Variants in NEK7 observed in about 807,000 individuals in gnomAD.
NEK7 encodes the protein serine/threonine-protein kinase Nek7.
NEK7 carries 18 observed loss-of-function variants against 44.6 expected under a neutral mutation model. That is an observed-to-expected ratio of 0.40 (90% confidence interval 0.28 to 0.60). The LOEUF is 0.60. NEK7 is among the 20% of genes least tolerant of loss of function. The probability of loss-of-function intolerance (pLI) is 0.38; values close to 1 mark genes in which losing one functional copy is unlikely to be tolerated. For synonymous variants in NEK7, 130 were observed against 121.1 expected (o/e 1.07, Z -0.48); for missense variants, 256 against 366.5 (o/e 0.70, Z 2.46).
chr1:198,317,886 T>TTTTTG (rs1655420246), intron 9 of NEK7, among the ~76,000 whole-genome samples: 2 of 142,618 alleles, frequency 1.4e-5, no homozygotes, highest in African/African-American at 5.3e-5. Flanking sequence ...TATTTTTTTT[T>TTTTTG]TTTTTTTTTT....
At chr1:198,244,707 T>C (rs1040617716) in intron 2 of NEK7, among the ~76,000 whole-genome samples, 1 of 152,178 alleles carries the variant, frequency 6.6e-6, no homozygotes, top group Non-Finnish European at 1.5e-5. Context: ...TAGATAATTA[T>C]AGTCATGCCC....
chr1:198,168,347 CTT>C (rs1664331062), intron 1 of NEK7, among the ~76,000 whole-genome samples: 1 of 152,276 alleles, frequency 6.6e-6, no homozygotes, highest in African/African-American at 2.4e-5. Flanking sequence ...AATGTTGAGA[CTT>C]TTGTCTCTTA....
intron 7 of NEK7, among the ~76,000 whole-genome samples, chr1:198,286,422 C>T (rs1571605063): frequency 7.0e-6 from 1 of 142,944 alleles, no homozygotes; most frequent in Non-Finnish European, 1.5e-5. Flanking sequence ...AGAGGTCACA[C>T]TTTTTTTTTT....
At chr1:198,244,004 G>A (rs1164166726) in intron 2 of NEK7, among the ~76,000 whole-genome samples, 2 of 146,476 alleles carry the variant, frequency 1.4e-5, no homozygotes, top group Non-Finnish European at 3.0e-5. Flanking sequence ...ATTTGTAGGT[G>A]GGTAACACCT....
chr1:198,158,678 T>C (rs1458735239), intron 1 of NEK7, among the ~76,000 whole-genome samples: 1 of 152,188 alleles, frequency 6.6e-6, no homozygotes, highest in Non-Finnish European at 1.5e-5. Context: ...GTGGCAACTC[T>C]TGTTGAATGG....
intron 2 of NEK7, among the ~76,000 whole-genome samples, chr1:198,238,941 C>G (rs1180758208): frequency 1.3e-5 from 2 of 152,084 alleles, no homozygotes; most frequent in African/African-American, 4.8e-5. Context: ...CTAGAGTTGC[C>G]CAACCTAGAA....
chr1:198,268,177 G>T (rs1653716366), intron 5 of NEK7, among the ~76,000 whole-genome samples: 1 of 150,546 alleles, frequency 6.6e-6, no homozygotes, highest in African/African-American at 2.4e-5. Flanking sequence ...CGTTATAGCT[G>T]ATCTCATTCA....
chr1:198,207,970 A>C (rs1405134053), intron 1 of NEK7, among the ~76,000 whole-genome samples: 4 of 152,164 alleles, frequency 2.6e-5, no homozygotes, highest in African/African-American at 7.2e-5. Context: ...AACTTCATTT[A>C]TCTCTCTATT....
At chr1:198,281,723 C>A (rs1654204034) in intron 7 of NEK7, among the ~76,000 whole-genome samples, 1 of 152,030 alleles carries the variant, frequency 6.6e-6, no homozygotes, top group African/African-American at 2.4e-5. Flanking sequence ...TAGGATCGTG[C>A]ACTTCCAAAA....
At chr1:198,170,035 G>C (rs895503678) in intron 1 of NEK7, among the ~76,000 whole-genome samples, 2 of 152,182 alleles carry the variant, frequency 1.3e-5, no homozygotes, top group Non-Finnish European at 2.9e-5. Context: ...TTCAGGAAAG[G>C]TCTAGGATGA....
rs568486081 is a variant in NEK7, at chr1:198,227,833, A to C, written c.-28-4720A>C. Among the ~76,000 whole-genome samples the C allele has an allele frequency of 2.0e-5, 3 of 152,156 alleles. No individual in the cohort carries two copies. The East Asian group carries it at 5.8e-4, about 29-fold the overall frequency. On this transcript the variant is annotated intron_variant, in intron 1 of 9. Transcript: ENST00000367385. Reference sequence around the variant, plus strand: ...TTCTGTAGGCTGCCTGTTCACTCTGATGGTAGTTTCTTTTGCTGTGCAGAA... The same window carrying C: ...TTCTGTAGGCTGCCTGTTCACTCTGCTGGTAGTTTCTTTTGCTGTGCAGAA...
At chr1:198,267,274 CTCATTCAT>C (rs61574788) in intron 5 of NEK7, among the ~76,000 whole-genome samples, 367 of 151,470 alleles carry the variant, frequency 2.4e-3, no homozygotes, top group African/African-American at 3.9e-3. Flanking sequence ...ACACCTGTTC[CTCATTCAT>C]TCATTCATTC....
intron 9 of NEK7, among the ~76,000 whole-genome samples, chr1:198,313,011 G>A (rs567860665): frequency 2.4e-4 from 36 of 151,992 alleles, no homozygotes; most frequent in Admixed American, 5.2e-4. Context: ...TTTCTGTCTC[G>A]TTGATCTGTC....
intron 2 of NEK7, among the ~76,000 whole-genome samples, chr1:198,252,741 T>G (rs118017155): frequency 6.6e-6 from 1 of 151,048 alleles, no homozygotes; most frequent in Non-Finnish European, 1.5e-5. Flanking sequence ...TATGTATGTT[T>G]TATATATTTA....
At chr1:198,188,248 A>G (rs1037164083) in intron 1 of NEK7, among the ~76,000 whole-genome samples, 4 of 152,192 alleles carry the variant, frequency 2.6e-5, no homozygotes, top group Admixed American at 6.6e-5. Flanking sequence ...ACACAGTTTT[A>G]GAGGAAATGA....
chr1:198,281,655 C>T (rs886289346), intron 7 of NEK7, among the ~76,000 whole-genome samples: 2 of 151,996 alleles, frequency 1.3e-5, no homozygotes, highest in South Asian at 2.1e-4. Context: ...TTTATATTTT[C>T]AAAATACATT....
At chr1:198,247,897 T>C (rs1407519030) in intron 2 of NEK7, among the ~76,000 whole-genome samples, 1 of 152,148 alleles carries the variant, frequency 6.6e-6, no homozygotes, top group Non-Finnish European at 1.5e-5. Flanking sequence ...GTCTAGGATA[T>C]GGGATCATCA....
chr1:198,278,621 G>A (rs918279928), intron 6 of NEK7, among the ~76,000 whole-genome samples: 7 of 151,652 alleles, frequency 4.6e-5, no homozygotes, highest in African/African-American at 1.7e-4. Flanking sequence ...TTTTTATTAA[G>A]ATATTTTATT....
At chr1:198,252,850 C>T (rs1653116388) in intron 2 of NEK7, among the ~76,000 whole-genome samples, 190 bp from the exon 3 acceptor site, 1 of 151,850 alleles carries the variant, frequency 6.6e-6, no homozygotes, top group Admixed American at 6.6e-5. Flanking sequence ...TATTGTCTCT[C>T]TAGTCTGCTA....
Sources: allele counts gnomAD v4.1 joint callset (sites outside exome capture counted in the v4.1 genomes callset), GRCh38; gene constraint gnomAD v4.1.1; transcripts MANE v1.5; gene names NCBI Gene and HGNC (gene_info 2026-07-23, HGNC 2026-07-21).